MLLT3: variants seen among roughly 807,000 people sequenced by gnomAD.
MLLT3 encodes the protein protein AF-9.
In MLLT3, 4 loss-of-function variants were observed where a neutral mutation model predicts 53.2. That is an observed-to-expected ratio of 0.08 (90% CI 0.04 to 0.17). The LOEUF is 0.17. MLLT3 is among the 10% of genes least tolerant of loss of function. The pLI is 1.00. For synonymous variants in MLLT3, 283 were observed against 230.6 expected, an observed-to-expected ratio of 1.23 and a Z score of -2.06; for missense variants, 569 against 684.0, an observed-to-expected ratio of 0.83 and a Z score of 1.87.
chr9:20,552,699 T>C (rs1471472799), intron 2 of MLLT3, among the ~76,000 whole-genome samples: 1 of 152,230 alleles, frequency 6.6e-6, no homozygotes, highest in Non-Finnish European at 1.5e-5. Flanking sequence ...AATACATTCA[T>C]GTTTTTCTTG....
chr9:20,599,702 G>A (rs889016953), intron 2 of MLLT3, among the ~76,000 whole-genome samples: 2 of 152,084 alleles, frequency 1.3e-5, no homozygotes, highest in East Asian at 1.9e-4. Flanking sequence ...CTCTAAAAAA[G>A]GGTGACTATA....
intron 10 of MLLT3, among the ~76,000 whole-genome samples, chr9:20,348,097 A>G (rs980291260): frequency 6.6e-6 from 1 of 152,186 alleles, no homozygotes; most frequent in Admixed American, 6.5e-5. Context: ...TTGAGCTGTT[A>G]TTGTCTTACC....
chr9:20,358,821 C>A lies in MLLT3; in HGVS notation c.1431+1921G>T, dbSNP rs79671251. On this transcript the variant is annotated intron_variant, in intron 8 of 10. Coordinates refer to ENST00000380338, the MANE Select transcript of MLLT3 (RefSeq NM_004529.4). ...TATTGTAGCTCTCATATACCACCCA[C>A]TGGATACAGAAATCAAGCTGAAATA... Among the ~76,000 whole-genome samples the A allele has an allele frequency of 6.1e-3, 927 of 152,214 alleles. 12 individuals are homozygous for A. The highest frequency in any genetic ancestry group is 0.021 in the African/African-American group (889 of 41,552).
chr9:20,358,469 T>C (rs905959716), intron 8 of MLLT3, among the ~76,000 whole-genome samples: 1 of 152,364 alleles, frequency 6.6e-6, no homozygotes, highest in Non-Finnish European at 1.5e-5. Flanking sequence ...AGTATGCTAC[T>C]TAATCAGATA....
At chr9:20,538,554 A>T (rs1554636523) in intron 2 of MLLT3, among the ~76,000 whole-genome samples, 1 of 152,222 alleles carries the variant, frequency 6.6e-6, no homozygotes. Context: ...CTTTTGAAAA[A>T]GTAAATTCGT....
chr9:20,497,312 A>G (rs1825102440), intron 2 of MLLT3, among the ~76,000 whole-genome samples: 1 of 152,232 alleles, frequency 6.6e-6, no homozygotes, highest in Non-Finnish European at 1.5e-5. Context: ...TAAAAATCAC[A>G]TATTTAAAGT....
At chr9:20,368,638 G>A (rs1234183469) in intron 5 of MLLT3, among the ~76,000 whole-genome samples, 1 of 152,160 alleles carries the variant, frequency 6.6e-6, no homozygotes, top group Non-Finnish European at 1.5e-5. Flanking sequence ...GCTTCTTTTA[G>A]CTTCTTACCC....
intron 2 of MLLT3, among the ~76,000 whole-genome samples, chr9:20,498,852 T>C (rs947837859): frequency 3.9e-5 from 6 of 152,212 alleles, no homozygotes; most frequent in African/African-American, 1.4e-4. Flanking sequence ...ATTGTTTCAA[T>C]ATAACTTTAA....
At chr9:20,403,033 A>G (rs1218493084) in intron 5 of MLLT3, among the ~76,000 whole-genome samples, 1 of 151,984 alleles carries the variant, frequency 6.6e-6, no homozygotes, top group Non-Finnish European at 1.5e-5. Flanking sequence ...TGGGAAAGTG[A>G]GTGAAGGATG....
At chr9:20,396,486 C>T (rs1563949283) in intron 5 of MLLT3, among the ~76,000 whole-genome samples, 3 of 152,038 alleles carry the variant, frequency 2.0e-5, no homozygotes, top group Non-Finnish European at 4.4e-5. Flanking sequence ...AACTGTCAGA[C>T]CTGGGGCCCT....
At position 20,551,401 on chromosome 9, in the gene MLLT3, T is replaced by G. The variant is rs1315890024; in HGVS notation, c.193+69253A>C. Among the ~76,000 whole-genome samples, 3 of 152,200 alleles carry G rather than the reference T, an allele frequency of 2.0e-5. No individual in the cohort carries two copies. The East Asian group carries it at 5.8e-4, about 29-fold the overall frequency. ...CCTCTTTCTCACAAAAGGTGATGTTTCATTTTCCCAACTTCCTTTTGGTAA... is the reference window on the plus strand; with the variant it reads ...CCTCTTTCTCACAAAAGGTGATGTTGCATTTTCCCAACTTCCTTTTGGTAA... On this transcript the variant is annotated intron_variant, in intron 2 of 10. Transcript: ENST00000380338.
chr9:20,467,825 A>G (rs966180508), intron 2 of MLLT3, among the ~76,000 whole-genome samples: 4 of 152,234 alleles, frequency 2.6e-5, no homozygotes, highest in African/African-American at 7.2e-5. Context: ...CTGTACCTCA[A>G]ATACAAAAGT....
chr9:20,438,026 A>G (rs1273195365), intron 4 of MLLT3, among the ~76,000 whole-genome samples: 3 of 152,266 alleles, frequency 2.0e-5, no homozygotes, highest in African/African-American at 7.2e-5. Context: ...CTTAAACCAG[A>G]CCTTTATAGA....
intron 2 of MLLT3, among the ~76,000 whole-genome samples, chr9:20,530,489 G>C (rs1818303315): frequency 6.6e-6 from 1 of 152,204 alleles, no homozygotes; most frequent in South Asian, 2.1e-4. Context: ...AAGGGGTTAA[G>C]CTGTCAGCTT....
At chr9:20,465,049 A>G (rs1233830985) in intron 2 of MLLT3, among the ~76,000 whole-genome samples, 1 of 152,014 alleles carries the variant, frequency 6.6e-6, no homozygotes, top group Admixed American at 6.5e-5. Context: ...TTCTTTTTCA[A>G]TCTGTCCCTT....
intron 5 of MLLT3, among the ~76,000 whole-genome samples, chr9:20,408,021 T>G (rs146239548): frequency 7.5e-4 from 114 of 152,304 alleles, no homozygotes; most frequent in Non-Finnish European, 7.2e-4. Flanking sequence ...ATGCATTGAA[T>G]AGGTGATGTA....
chr9:20,409,803 T>G (rs2383138), intron 5 of MLLT3, among the ~76,000 whole-genome samples: 33,312 of 152,098 alleles, frequency 0.22, 7,130 homozygotes, highest in East Asian at 0.78. Context: ...CATCTCTTTA[T>G]GAGAAACATT....
At position 20,595,746 on chromosome 9, in the gene MLLT3, AAAAG is replaced by A. The variant is rs1411313843; in HGVS notation, c.193+24904_193+24907del. On this transcript the variant is annotated intron_variant, in intron 2 of 10. Transcript: ENST00000380338. ...TAATGCTAGTAGCAGTAACCACAAA[AAAAG>A]AAAGACACGATTTTATATAAAAAGT... Among the ~76,000 whole-genome samples the A allele has an allele frequency of 3.3e-5, 5 of 152,222 alleles. 1 individual carries two copies. Among genetic ancestry groups the A allele is most frequent in the African/African-American group, 4.8e-5 (2 of 41,468 alleles).
chr9:20,414,843 G>A (rs1033834935), intron 4 of MLLT3, among the ~76,000 whole-genome samples: 2 of 152,122 alleles, frequency 1.3e-5, no homozygotes, highest in African/African-American at 4.8e-5. Context: ...ATGGGGCGAA[G>A]AATAATTCAA....
Sources: allele counts gnomAD v4.1 joint callset (sites outside exome capture counted in the v4.1 genomes callset), GRCh38; gene constraint gnomAD v4.1.1; transcripts MANE v1.5; gene names NCBI Gene and HGNC (gene_info 2026-07-23, HGNC 2026-07-21).